The following ELF2 variants were observed in gnomAD, a reference collection of about 807,000 sequenced individuals.
ELF2 encodes the protein E74 like ETS transcription factor 2, also known as ETS-related transcription factor Elf-2.
A neutral mutation model predicts 54.8 loss-of-function variants in ELF2; 11 were observed. That is an observed-to-expected ratio of 0.20 (90% CI 0.13 to 0.33). ELF2 has a LOEUF of 0.33. ELF2 is among the 10% of genes least tolerant of loss of function. The pLI, the probability that ELF2 is intolerant of heterozygous loss-of-function variation, is 1.00. For missense variants in ELF2, 513 were observed against 703.0 expected, an observed-to-expected ratio of 0.73 and a Z score of 3.06; for synonymous variants, 203 against 245.1, an observed-to-expected ratio of 0.83 and a Z score of 1.61.
chr4:139,073,988 C>T (rs188424192), intron 4 of ELF2, among the ~76,000 whole-genome samples: 129 of 152,190 alleles, frequency 8.5e-4, no homozygotes, highest in East Asian at 1.6e-3. Context: ...ATTAGCTGAG[C>T]GTGGTGGCAC....
At chr4:139,090,545 C>G (rs1732458419) in intron 4 of ELF2, among the ~76,000 whole-genome samples, 1 of 152,072 alleles carries the variant, frequency 6.6e-6, no homozygotes, top group African/African-American at 2.4e-5. Flanking sequence ...TTAATATATT[C>G]TAAATAACAA....
Position 139,176,973 on chromosome 4 carries a change from T to G in ELF2, c.-258A>C, listed in dbSNP as rs1199290324. 1.3e-5 allele frequency: 2 copies of G among 151,986 alleles called. No homozygotes were observed. Among genetic ancestry groups the G allele is most frequent in the African/African-American group, 4.8e-5 (2 of 41,350 alleles). 9.4% of individuals were successfully genotyped at this position (151,986 alleles called of 1,614,324 possible). A position where few individuals can be genotyped will look rare whatever the true frequency, so the allele number is the denominator to read the frequency against. ...CGGCTGCCCGCGCTCTTACCTGCTCTCCGCGACGCCTGGGAAGACCGCGGC... is the reference window on the plus strand; with the variant it reads ...CGGCTGCCCGCGCTCTTACCTGCTCGCCGCGACGCCTGGGAAGACCGCGGC... On this transcript the variant is annotated 5_prime_UTR_variant, in exon 1 of 10. Coordinates refer to ENST00000686138, the MANE Select transcript of ELF2 (RefSeq NM_001331036.3).
chr4:139,155,844 T>G (rs908776794), intron 1 of ELF2, among the ~76,000 whole-genome samples: 9 of 152,174 alleles, frequency 5.9e-5, no homozygotes, highest in Non-Finnish European at 5.9e-5. Flanking sequence ...TGAAGATAAA[T>G]AATTTTGGCA....
chr4:139,163,265 T>C (rs796694982), intron 1 of ELF2, among the ~76,000 whole-genome samples: 7 of 152,066 alleles, frequency 4.6e-5, no homozygotes, highest in African/African-American at 1.2e-4. Context: ...AGAAAAATTA[T>C]GAGAAAAGCA....
intron 1 of ELF2, among the ~76,000 whole-genome samples, chr4:139,139,926 T>C (rs1268769705): frequency 6.6e-6 from 1 of 152,008 alleles, no homozygotes; most frequent in African/African-American, 2.4e-5. Flanking sequence ...AAAACAATGT[T>C]TAAGGAAAAA....
intron 1 of ELF2, among the ~76,000 whole-genome samples, chr4:139,166,080 G>A (rs967256146): frequency 2.0e-5 from 3 of 152,208 alleles, no homozygotes; most frequent in African/African-American, 7.2e-5. Context: ...GCTCACGCCT[G>A]TAATCCCAGC....
At chr4:139,092,393 AT>A (rs1423348875) in intron 4 of ELF2, among the ~76,000 whole-genome samples, 1 of 112,792 alleles carries the variant, frequency 8.9e-6, no homozygotes, top group Non-Finnish European at 1.9e-5. Flanking sequence ...ATAACATAAC[AT>A]AACATAACAT....
intron 1 of ELF2, among the ~76,000 whole-genome samples, chr4:139,166,816 C>T (rs528618898): frequency 2.0e-5 from 3 of 152,068 alleles, no homozygotes; most frequent in South Asian, 2.1e-4. Flanking sequence ...TGCAGTGAGC[C>T]GAGATGGTGC....
chr4:139,104,042 A>T (rs1294080104), intron 4 of ELF2, among the ~76,000 whole-genome samples: 1 of 152,230 alleles, frequency 6.6e-6, no homozygotes, highest in Non-Finnish European at 1.5e-5. Context: ...TTACAAAGTG[A>T]AAAGAAATCA....
At chr4:139,136,499 A>G (rs183080923) in intron 3 of ELF2, among the ~76,000 whole-genome samples, 1 of 150,304 alleles carries the variant, frequency 6.7e-6, no homozygotes, top group African/African-American at 2.4e-5. Flanking sequence ...ATACCGTTAT[A>G]CTGGTAGGAA....
intron 1 of ELF2, among the ~76,000 whole-genome samples, chr4:139,156,587 T>A (rs990839088): frequency 5.3e-5 from 8 of 151,978 alleles, no homozygotes; most frequent in Non-Finnish European, 1.0e-4. Context: ...AACATACATG[T>A]TCATTCATAG....
intron 4 of ELF2, chr4:139,102,303 A>G (rs1449241770): frequency 6.6e-6 from 1 of 150,680 alleles, no homozygotes; most frequent in Non-Finnish European, 1.5e-5. Flanking sequence ...TGGGTGGATC[A>G]CGAGGTCAAG....
chr4:139,076,374 TAA>T (rs974568149), intron 4 of ELF2, among the ~76,000 whole-genome samples: 2 of 152,052 alleles, frequency 1.3e-5, no homozygotes, highest in African/African-American at 4.8e-5. Flanking sequence ...TTATTAAGTA[TAA>T]GACATATTAT....
At chr4:139,084,489 G>T (rs1731739954) in intron 4 of ELF2, 5 of 969,802 alleles carry the variant, frequency 5.2e-6, no homozygotes, top group African/African-American at 1.7e-5. Flanking sequence ...GCCGCAGCTG[G>T]CAACGCGATC....
chr4:139,113,196 A>T (rs1227422825), intron 4 of ELF2, among the ~76,000 whole-genome samples: 1 of 151,926 alleles, frequency 6.6e-6, no homozygotes, highest in Non-Finnish European at 1.5e-5. Context: ...TGTCTCTGCA[A>T]ATAATAAAAA....
intron 4 of ELF2, among the ~76,000 whole-genome samples, chr4:139,116,420 G>A (rs1009558986): frequency 1.3e-5 from 2 of 151,450 alleles, no homozygotes; most frequent in African/African-American, 4.8e-5. Flanking sequence ...AGGAAGTAGA[G>A]GCATGAAATA....
At position 139,131,042 on chromosome 4, in the gene ELF2, A is replaced by C. The variant is rs529885053; in HGVS notation, c.73-5713T>G. 2.4e-3 allele frequency among the ~76,000 whole-genome samples: 369 copies of C among 152,252 alleles called. 3 individuals are homozygous for C. Among genetic ancestry groups the C allele is most frequent in the Non-Finnish European group, 2.4e-3 (164 of 67,996 alleles). Reference sequence around the variant, plus strand: ...TAAAAATAAAATAGCAAAAAATAACACATGTACAAGGTTATTTTACTTAGC... The same window carrying C: ...TAAAAATAAAATAGCAAAAAATAACCCATGTACAAGGTTATTTTACTTAGC... On this transcript the variant is annotated intron_variant, in intron 3 of 9. Transcript: ENST00000686138.
At chr4:139,103,584 A>G (rs138573591) in intron 4 of ELF2, among the ~76,000 whole-genome samples, 1 of 152,370 alleles carries the variant, frequency 6.6e-6, no homozygotes, top group African/African-American at 2.4e-5. Context: ...TGGGACCTCC[A>G]TGACCCTTCC....
intron 1 of ELF2, among the ~76,000 whole-genome samples, chr4:139,146,590 C>T (rs1739241624): frequency 6.6e-6 from 1 of 152,120 alleles, no homozygotes; most frequent in African/African-American, 2.4e-5. Context: ...ACAAAAACAA[C>T]AAATCTGAAG....
Sources: gnomAD v4.1 joint callset for allele counts (sites outside exome capture counted in the v4.1 genomes callset) on GRCh38, gnomAD v4.1.1 for gene constraint, MANE v1.5 for transcripts, NCBI Gene and HGNC (gene_info 2026-07-23, HGNC 2026-07-21) for gene names.